CCNL2: variants seen among roughly 807,000 people sequenced by gnomAD.
The protein encoded by CCNL2 is cyclin L2, also known as cyclin-L2.
CCNL2 carries 28 observed loss-of-function variants against 59.1 expected under a neutral mutation model. The ratio of observed to expected loss-of-function variants is 0.47; its 90% CI spans 0.35 to 0.65. CCNL2 has a LOEUF of 0.65. CCNL2 is among the 30% of genes least tolerant of loss of function. The pLI, the probability that CCNL2 is intolerant of heterozygous loss-of-function variation, is 0.00. For missense variants in CCNL2, 714 were observed against 717.4 expected, an observed-to-expected ratio of 1.00 and a Z score of 0.05; for synonymous variants, 342 against 288.6, an observed-to-expected ratio of 1.19 and a Z score of -1.88.
At chr1:1,391,318 A>T in intron 5 of CCNL2, 1 of 1,159,682 alleles carries the variant, frequency 8.6e-7, no homozygotes, top group African/African-American at 1.6e-5. Flanking sequence ...GGCTGAGCAC[A>T]AAGCCGGTGT....
rs561461462 is a variant in CCNL2, at chr1:1,391,506, C to T, written c.660-641G>A. The T allele has an allele frequency of 1.5e-5, 19 of 1,299,912 alleles. No individual in the cohort carries two copies. The East Asian group carries it at 2.2e-4, about 15-fold the overall frequency. The allele number at this position is 1,299,912 out of a possible 1,614,324, so 80.5% of individuals were successfully genotyped here. On this transcript the variant is annotated intron_variant, in intron 5 of 10. Coordinates refer to ENST00000400809, the MANE Select transcript of CCNL2 (RefSeq NM_030937.6). ...GGGAGCATCGTGCGGAGGGAGACTC[C>T]GCACCCAAGGGCAGGCCTCTTCTCG... is the stretch of plus-strand genomic sequence containing the variant.
At chr1:1,394,741 C>T (rs1644924100) in intron 4 of CCNL2, among the ~76,000 whole-genome samples, 1 of 131,898 alleles carries the variant, frequency 7.6e-6, no homozygotes, top group Non-Finnish European at 1.6e-5. Flanking sequence ...CAGAGTAAGA[C>T]TCCGTCTCAA....
chr1:1,386,229 A>G lies in CCNL2; in HGVS notation c.*1002T>C, dbSNP rs1644451741. The G allele has an allele frequency of 6.6e-6, 1 of 152,284 alleles. No homozygotes were observed. Among genetic ancestry groups the G allele is most frequent in the Non-Finnish European group, 1.5e-5 (1 of 68,066 alleles). 9.4% of individuals were successfully genotyped at this position (152,284 alleles called of 1,614,324 possible). A position where few individuals can be genotyped will look rare whatever the true frequency, so the allele number is the denominator to read the frequency against. On this transcript the variant is annotated 3_prime_UTR_variant, in exon 11 of 11. Transcript: ENST00000400809. ...TACAAACCAGTCCCCCTCAGGAACG[A>G]GAGCACCTTGGAATCATTCTGTGTT...
In CCNL2 at chr1:1,395,390, C is replaced by A; in HGVS notation, c.594+4G>T. ...GGCTCGCAGGGCAGGAGCCGCACAC[C>A]CACCTTATGAGGATGCTTCACATGG... On this transcript the variant is annotated splice_donor_region_variant and intron_variant, in intron 4 of 10. Transcript: ENST00000400809. The A allele has an allele frequency of 6.2e-7, 1 of 1,614,068 alleles. No individual in the cohort carries two copies. Among genetic ancestry groups the A allele is most frequent in the Non-Finnish European group, 8.5e-7 (1 of 1,179,980 alleles).
Position 1,395,239 on chromosome 1 carries a change from G to A in CCNL2, c.594+155C>T, listed in dbSNP as rs368598749. On this transcript the variant is annotated intron_variant, in intron 4 of 10. Coordinates refer to ENST00000400809, the MANE Select transcript of CCNL2 (RefSeq NM_030937.6). ...CTGACACTAGAAGACGAATACGTCA[G>A]GAACTATTCTTGAGATTATAAATAG... The A allele has an allele frequency of 4.3e-6, 3 of 690,008 alleles. No individual in the cohort carries two copies. The African/African-American group carries it at 5.4e-5, about 12-fold the overall frequency. The allele number at this position is 690,008 out of a possible 1,614,324, so 42.7% of individuals were successfully genotyped here. A position where few individuals can be genotyped will look rare whatever the true frequency, so the allele number is the denominator to read the frequency against.
At position 1,387,110 on chromosome 1, in the gene CCNL2, C is replaced by G. The variant is rs1368960997; in HGVS notation, c.*121G>C. On this transcript the variant is annotated 3_prime_UTR_variant, in exon 11 of 11. Coordinates refer to ENST00000400809, the MANE Select transcript of CCNL2 (RefSeq NM_030937.6). ...AGACATTTCCAAAAAGAATCCTGTT[C>G]TAGGACCACTTGCGCTGAGAGCACA... The G allele has an allele frequency of 4.1e-6, 3 of 734,516 alleles. No individual in the cohort carries two copies. Among genetic ancestry groups the G allele is most frequent in the African/African-American group, 3.5e-5 (2 of 57,044 alleles). 45.5% of individuals were successfully genotyped at this position (734,516 alleles called of 1,614,324 possible). A position where few individuals can be genotyped will look rare whatever the true frequency, so the allele number is the denominator to read the frequency against.
At chr1:1,387,670 A>G in intron 10 of CCNL2, 88 bp from the exon 11 acceptor site, 2 of 1,408,878 alleles carry the variant, frequency 1.4e-6, no homozygotes, top group Non-Finnish European at 1.9e-6. Context: ...AAGACACACA[A>G]GCTCCAGGTT....
In CCNL2 at chr1:1,386,901, ACCAGGCCATG is replaced by A. The variant is rs1644480822; in HGVS notation, c.*320_*329del. 1.0e-5 allele frequency: 3 copies of A among 293,330 alleles called. No homozygotes were observed. Among genetic ancestry groups the A allele is most frequent in the Non-Finnish European group, 1.3e-5 (2 of 157,546 alleles). The allele number at this position is 293,330 out of a possible 1,614,324, so 18.2% of individuals were successfully genotyped here. On this transcript the variant is annotated 3_prime_UTR_variant, in exon 11 of 11. Transcript: ENST00000400809. ...GGAGTGGAGAGCGGCTGCCGATAGC[ACCAGGCCATG>A]CCAGGCCACGCCAACAAGGGCGTGT...
At chr1:1,395,202 T>C in intron 4 of CCNL2, 192 bp downstream of exon 4, 1 of 521,032 alleles carries the variant, frequency 1.9e-6, no homozygotes, top group Non-Finnish European at 3.3e-6. Flanking sequence ...AATGTGTTAC[T>C]AAAATAAACA....
At chr1:1,392,466 C>A (rs1340561019) in intron 5 of CCNL2, 1 of 1,227,158 alleles carries the variant, frequency 8.1e-7, no homozygotes, top group South Asian at 2.9e-5. Flanking sequence ...TTTGTCTCTT[C>A]AATTCTCACA....
chr1:1,388,705 A>G (rs935390722), intron 8 of CCNL2: 1 of 421,288 alleles, frequency 2.4e-6, no homozygotes, highest in Non-Finnish European at 4.7e-6. Context: ...TGGTAGGCGG[A>G]GCTTGCAGTG....
intron 3 of CCNL2, among the ~76,000 whole-genome samples, chr1:1,395,783 AG>A (rs1644986090): frequency 6.6e-6 from 1 of 152,206 alleles, no homozygotes; most frequent in Admixed American, 6.5e-5. Context: ...AGCAAGTTTT[AG>A]GATCTCGTGG....
At chr1:1,390,904 C>T (rs756686249) in intron 5 of CCNL2, 39 bp from the exon 6 acceptor site, 9 of 1,543,744 alleles carry the variant, frequency 5.8e-6, no homozygotes, top group South Asian at 3.3e-5. Flanking sequence ...ATGCCCCACC[C>T]GGGAACCCAG....
At chr1:1,398,920 G>A (rs1190303966) in intron 1 of CCNL2, 99 bp downstream of exon 1, 1 of 1,449,840 alleles carries the variant, frequency 6.9e-7, no homozygotes, top group Non-Finnish European at 9.0e-7. Context: ...GCTGGGGTCG[G>A]GGTCTAGGCG....
At position 1,399,079 on chromosome 1, in the gene CCNL2, G is replaced by A. The variant is rs1478088222; in HGVS notation, c.228C>T (p.Asp76=). ...SSGLDTDTET[D]LRVVGCELIQ... ...TGAGCTCGCAGCCCACCACGCGGAGGTCGGTCTCTGTGTCGGTGTCGAGGC... is the reference window on the plus strand; with the variant it reads ...TGAGCTCGCAGCCCACCACGCGGAGATCGGTCTCTGTGTCGGTGTCGAGGC... Residue 76 remains aspartate, a synonymous_variant, in exon 1 of 11, where the codon GAC becomes GAT. Transcript: ENST00000400809. 6.2e-6 allele frequency: 10 copies of A among 1,611,328 alleles called. No homozygotes were observed. The highest frequency in any genetic ancestry group is 3.3e-5 in the South Asian group (3 of 90,944).
At chr1:1,396,597 T>G (rs1420326393) in intron 3 of CCNL2, among the ~76,000 whole-genome samples, 1 of 124,718 alleles carries the variant, frequency 8.0e-6, no homozygotes, top group Admixed American at 7.6e-5. Flanking sequence ...TTTTTTTTTT[T>G]GAGACAGAGT....
intron 5 of CCNL2, 57 bp from the exon 6 acceptor site, chr1:1,390,922 G>T: frequency 7.2e-7 from 1 of 1,392,324 alleles, no homozygotes; most frequent in East Asian, 2.3e-5. Context: ...CAGGTCTTCC[G>T]CCTGCATTAT....
At chr1:1,398,107 G>A (rs1034746012) in intron 3 of CCNL2, 126 bp downstream of exon 3, 5 of 862,230 alleles carry the variant, frequency 5.8e-6, no homozygotes, top group African/African-American at 5.1e-5. Context: ...TTGAGACTGC[G>A]CTCATGAATA....
chr1:1,387,138 C>CG lies in CCNL2; in HGVS notation c.*92dup. On this transcript the variant is annotated 3_prime_UTR_variant, in exon 11 of 11. Transcript: ENST00000400809. Reference sequence around the variant, plus strand: ...GGACCACTTGCGCTGAGAGCACACCCGGGGGTCAAAGGGCAGCCACCGGGG... The same window carrying CG: ...GGACCACTTGCGCTGAGAGCACACCCGGGGGGTCAAAGGGCAGCCACCGGGG... 1.0e-6 allele frequency: 1 copy of CG among 982,540 alleles called. No homozygotes were observed. The highest frequency in any genetic ancestry group is 1.5e-6 in the Non-Finnish European group (1 of 652,164). 60.9% of individuals were successfully genotyped at this position (982,540 alleles called of 1,614,324 possible).
Sources: gnomAD v4.1 joint callset for allele counts (sites outside exome capture counted in the v4.1 genomes callset) on GRCh38, gnomAD v4.1.1 for gene constraint, MANE v1.5 for transcripts, NCBI Gene and HGNC (gene_info 2026-07-23, HGNC 2026-07-21) for gene names.